Variants in NELL1 observed in about 807,000 individuals in gnomAD.
The protein encoded by NELL1 is neural EGFL like 1, also known as protein kinase C-binding protein NELL1.
NELL1 carries 76 observed loss-of-function variants against 107.4 expected under a neutral mutation model. That is an observed-to-expected ratio of 0.71 (90% CI 0.59 to 0.86). NELL1 has a LOEUF of 0.86. Ranked by LOEUF, NELL1 falls within the 40% of genes least tolerant of loss-of-function variation. The pLI is 0.00. For missense variants in NELL1, 1,024 were observed against 1,005.5 expected (o/e 1.02, Z -0.25); for synonymous variants, 353 against 341.2 (o/e 1.03, Z -0.38).
At chr11:20,781,798 G>T (rs969682910) in intron 2 of NELL1, among the ~76,000 whole-genome samples, 2 of 150,794 alleles carry the variant, frequency 1.3e-5, no homozygotes, top group African/African-American at 2.4e-5. Flanking sequence ...GAAGGCCAAG[G>T]TGGGTGGATC....
At chr11:21,550,240 G>A (rs1480593775) in intron 16 of NELL1, among the ~76,000 whole-genome samples, 1 of 151,974 alleles carries the variant, frequency 6.6e-6, no homozygotes, top group African/African-American at 2.4e-5. Flanking sequence ...CTGGATATTA[G>A]CCCTTTGTCA....
intron 15 of NELL1, among the ~76,000 whole-genome samples, chr11:21,393,642 G>T (rs556086102): frequency 1.1e-3 from 172 of 151,782 alleles, no homozygotes; most frequent in African/African-American, 3.7e-3. Context: ...GGAAAGCATT[G>T]CTCTAACTCT....
chr11:20,783,352 A>C (rs951618028), intron 2 of NELL1, among the ~76,000 whole-genome samples: 1 of 152,110 alleles, frequency 6.6e-6, no homozygotes, highest in African/African-American at 2.4e-5. Flanking sequence ...GTCCCGTCAA[A>C]ATTCCTGCCA....
At chr11:21,352,233 T>A (rs1224642370) in intron 14 of NELL1, among the ~76,000 whole-genome samples, 2 of 152,212 alleles carry the variant, frequency 1.3e-5, no homozygotes, top group Admixed American at 1.3e-4. Context: ...TGCTTTAGTT[T>A]TTCCCGTATC....
At chr11:21,198,225 T>C (rs1857195393) in intron 13 of NELL1, among the ~76,000 whole-genome samples, 1 of 152,206 alleles carries the variant, frequency 6.6e-6, no homozygotes, top group African/African-American at 2.4e-5. Context: ...GGAAGCTGGG[T>C]TCTGAGAAGC....
chr11:20,671,513 T>G (rs952776416), intron 1 of NELL1, among the ~76,000 whole-genome samples: 7 of 152,212 alleles, frequency 4.6e-5, no homozygotes. Context: ...GGAACGTGTT[T>G]CAGGGTTCAT....
intron 3 of NELL1, among the ~76,000 whole-genome samples, chr11:20,839,627 T>A (rs572357420): frequency 6.6e-6 from 1 of 152,282 alleles, no homozygotes; most frequent in Non-Finnish European, 1.5e-5. Context: ...GTGAAGTAGA[T>A]GTTTATTTTC....
chr11:21,157,670 G>A (rs1856273283), intron 13 of NELL1, among the ~76,000 whole-genome samples: 2 of 152,008 alleles, frequency 1.3e-5, no homozygotes, highest in South Asian at 4.1e-4. Flanking sequence ...TTTCTTCTTT[G>A]AGAAGCAATA....
chr11:20,761,366 C>G (rs891989282), intron 2 of NELL1, among the ~76,000 whole-genome samples: 2 of 152,140 alleles, frequency 1.3e-5, no homozygotes, highest in Non-Finnish European at 2.9e-5. Context: ...CCTGCACTAC[C>G]TGGGTGAAGA....
chr11:21,204,560 T>C (rs963456171), intron 13 of NELL1, among the ~76,000 whole-genome samples: 12 of 152,042 alleles, frequency 7.9e-5, no homozygotes, highest in Admixed American at 1.3e-4. Context: ...TAGAACATGC[T>C]CCTTTAGCTC....
chr11:21,428,769 T>C (rs1852893990), intron 15 of NELL1, among the ~76,000 whole-genome samples: 1 of 152,214 alleles, frequency 6.6e-6, no homozygotes, highest in Admixed American at 6.5e-5. Context: ...ATGTGTCTAA[T>C]TCTCAAATGA....
chr11:21,388,909 A>G (rs1307310190), intron 15 of NELL1, among the ~76,000 whole-genome samples: 2 of 151,822 alleles, frequency 1.3e-5, no homozygotes, highest in African/African-American at 2.4e-5. Context: ...TTTCATGTAT[A>G]CCTATAGATC....
At chr11:21,460,658 A>C (rs1338911509) in intron 15 of NELL1, among the ~76,000 whole-genome samples, 1 of 152,104 alleles carries the variant, frequency 6.6e-6, no homozygotes, top group Non-Finnish European at 1.5e-5. Context: ...ATTTTCTCCA[A>C]TTCTTAGCCC....
chr11:21,316,794 A>G (rs115187788), intron 14 of NELL1, among the ~76,000 whole-genome samples: 1 of 152,066 alleles, frequency 6.6e-6, no homozygotes, highest in Non-Finnish European at 1.5e-5. Context: ...CAGCAAAGAG[A>G]ATGATGCTCA....
At chr11:20,717,302 T>C (rs1855274526) in intron 2 of NELL1, among the ~76,000 whole-genome samples, 1 of 152,152 alleles carries the variant, frequency 6.6e-6, no homozygotes, top group African/African-American at 2.4e-5. Flanking sequence ...CTAAATTTGG[T>C]TTAATGCAAT....
At chr11:21,128,755 G>T (rs1456363969) in intron 13 of NELL1, among the ~76,000 whole-genome samples, 1 of 152,082 alleles carries the variant, frequency 6.6e-6, no homozygotes, top group Non-Finnish European at 1.5e-5. Context: ...GTTACATCAC[G>T]GCCACCCAGG....
At chr11:20,872,177 T>TTTC (rs1849214256) in intron 4 of NELL1, among the ~76,000 whole-genome samples, 1 of 147,484 alleles carries the variant, frequency 6.8e-6, no homozygotes, top group Admixed American at 6.8e-5. Flanking sequence ...AGAGATTTTT[T>TTTC]TTTTTTTTTT....
chr11:20,955,651 G>C (rs1851155578), intron 11 of NELL1, among the ~76,000 whole-genome samples: 1 of 151,990 alleles, frequency 6.6e-6, no homozygotes. Context: ...TGCCTTACAT[G>C]GATTAGCCCA....
At chr11:20,733,939 T>C (rs1042746264) in intron 2 of NELL1, among the ~76,000 whole-genome samples, 2 of 152,152 alleles carry the variant, frequency 1.3e-5, no homozygotes, top group Admixed American at 1.3e-4. Flanking sequence ...TAAGACTCTG[T>C]TAGTGACAAG....
Sources: allele counts gnomAD v4.1 joint callset (sites outside exome capture counted in the v4.1 genomes callset), GRCh38; gene constraint gnomAD v4.1.1; transcripts MANE v1.5; gene names NCBI Gene and HGNC (gene_info 2026-07-23, HGNC 2026-07-21).